Variants in ATP5MF observed in about 807,000 individuals in gnomAD.
ATP5MF encodes the protein ATP synthase F(0) complex subunit f, mitochondrial.
Under a neutral mutation model 13.8 loss-of-function variants are expected in ATP5MF, and 10 were observed. The ratio of observed to expected loss-of-function variants is 0.72; its 90% CI spans 0.45 to 1.23. The LOEUF is 1.23. Ranked by LOEUF, ATP5MF falls within the 50% of genes most tolerant of loss-of-function variation. The pLI, the probability that ATP5MF is intolerant of heterozygous loss-of-function variation, is 0.00. For missense variants in ATP5MF, 122 were observed against 118.2 expected, an observed-to-expected ratio of 1.03 and a Z score of -0.15; for synonymous variants, 40 against 45.8, an observed-to-expected ratio of 0.87 and a Z score of 0.51.
chr7:99,463,760 A>C (rs1335245302), intron 1 of ATP5MF, among the ~76,000 whole-genome samples: 1 of 152,094 alleles, frequency 6.6e-6, no homozygotes, highest in Non-Finnish European at 1.5e-5. Flanking sequence ...TGGGCGACAA[A>C]AGCAAGACTC....
chr7:99,461,762 A>T (rs1798610794), intron 1 of ATP5MF, among the ~76,000 whole-genome samples: 1 of 151,554 alleles, frequency 6.6e-6, no homozygotes, highest in African/African-American at 2.4e-5. Context: ...GGTTCTAGCG[A>T]TTCTCCTGCC....
chr7:99,460,973 G>A (rs1370558826), intron 1 of ATP5MF, among the ~76,000 whole-genome samples: 2 of 152,162 alleles, frequency 1.3e-5, no homozygotes, highest in Non-Finnish European at 2.9e-5. Flanking sequence ...ATTCCGAGAA[G>A]TCAAGTGACG....
intron 1 of ATP5MF, 53 bp downstream of exon 1, chr7:99,466,058 C>A (rs1798859517): frequency 6.2e-7 from 1 of 1,613,730 alleles, no homozygotes; most frequent in African/African-American, 1.3e-5. Flanking sequence ...CAGTGTGGCT[C>A]TGGACCCTGG....
intron 1 of ATP5MF, 43 bp from the exon 2 acceptor site, chr7:99,460,236 C>A (rs1562871548): frequency 3.1e-6 from 5 of 1,606,422 alleles, no homozygotes; most frequent in Non-Finnish European, 3.4e-6. Context: ...GAATAATCTC[C>A]CAGTAACACA....
intron 1 of ATP5MF, among the ~76,000 whole-genome samples, chr7:99,464,775 A>G (rs745985119): frequency 2.6e-4 from 40 of 152,148 alleles, no homozygotes; most frequent in Non-Finnish European, 5.3e-4. Context: ...AGCCTGGTCA[A>G]CGTGGCGAAA....
At chr7:99,460,667 T>A in intron 1 of ATP5MF, 2 of 386,230 alleles carry the variant, frequency 5.2e-6, no homozygotes, top group South Asian at 3.8e-5. Flanking sequence ...CCCTCCTATG[T>A]CCCTGAAGCC....
At chr7:99,459,077 G>T in intron 3 of ATP5MF, 70 bp downstream of exon 3, 1 of 1,193,552 alleles carries the variant, frequency 8.4e-7, no homozygotes, top group Non-Finnish European at 1.2e-6. Flanking sequence ...GTGGGCTGCT[G>T]TATCTAATGA....
intron 3 of ATP5MF, 51 bp downstream of exon 3, chr7:99,459,096 A>G (rs1297905058): frequency 7.1e-7 from 1 of 1,410,106 alleles, no homozygotes; most frequent in Admixed American, 1.7e-5. Flanking sequence ...GAAATCAGTC[A>G]CCACCACCCT....
In ATP5MF at chr7:99,459,058, CAGA is replaced by C. The variant is rs1034748329; in HGVS notation, c.256+86_256+88del. On this transcript the variant is annotated intron_variant, in intron 3 of 3. Coordinates refer to ENST00000292475, the MANE Select transcript of ATP5MF (RefSeq NM_004889.5). ...ACTTTAACTAAAGGTCCCTCAGCCT[CAGA>C]AGAAGGTGGGCTGCTGTATCTAATG... 179 of 983,494 alleles carry C rather than the reference CAGA, an allele frequency of 1.8e-4. No homozygotes were observed. In the African/African-American group the frequency reaches 2.5e-3, roughly 14 times the overall value. The allele number at this position is 983,494 out of a possible 1,614,324, so 60.9% of individuals were successfully genotyped here.
intron 1 of ATP5MF, among the ~76,000 whole-genome samples, chr7:99,461,416 G>A (rs887911759): frequency 6.6e-6 from 1 of 151,986 alleles, no homozygotes; most frequent in African/African-American, 2.4e-5. Flanking sequence ...GTCCTATTGA[G>A]GGCAAAGAGT....
chr7:99,459,197 A>C lies in ATP5MF; in HGVS notation c.206T>G (p.Val69Gly), dbSNP rs1343701617. 2 of 1,614,136 alleles carry C rather than the reference A, an allele frequency of 1.2e-6. No individual in the cohort carries two copies. Among genetic ancestry groups the C allele is most frequent in the South Asian group, 2.2e-5 (2 of 91,074 alleles). Reference sequence around the variant, plus strand: ...GCTAAAGAGCACGTAGCATGCCAGCACCATGGTAATCCCCGAGATGCTCCC... The same window carrying C: ...GCTAAAGAGCACGTAGCATGCCAGCCCCATGGTAATCCCCGAGATGCTCCC... ...KKGSISGITMVLACYVLFSYS... is the reference protein window; with the variant it reads ...KKGSISGITMGLACYVLFSYS... The change falls in exon 3 of 4, where the codon GTG becomes GGG. Residue 69 changes from valine to glycine, a missense_variant. Val to Gly is a moderately radical substitution (Grantham distance 109). Transcript: ENST00000292475.
At chr7:99,458,594 C>A (rs760093589) in intron 3 of ATP5MF, among the ~76,000 whole-genome samples, 1 of 152,168 alleles carries the variant, frequency 6.6e-6, no homozygotes, top group African/African-American at 2.4e-5. Context: ...AGGGAACACA[C>A]GCTCAGACAA....
intron 1 of ATP5MF, among the ~76,000 whole-genome samples, chr7:99,461,987 C>T (rs905563531): frequency 1.8e-4 from 28 of 151,638 alleles, no homozygotes; most frequent in Admixed American, 4.6e-4. Context: ...CCAGTGAAGC[C>T]ATTTTTTCAC....
chr7:99,458,316 G>C lies in ATP5MF; in HGVS notation c.*11C>G. On this transcript the variant is annotated 3_prime_UTR_variant, in exon 4 of 4. Transcript: ENST00000292475. ...AGGTCGTGGGGTGGGGGGGTGCAGAGTGTGTCCTCTTCAGTGGTATTTGCG... is the reference window on the plus strand; with the variant it reads ...AGGTCGTGGGGTGGGGGGGTGCAGACTGTGTCCTCTTCAGTGGTATTTGCG... 6.2e-7 allele frequency: 1 copy of C among 1,609,816 alleles called. No homozygotes were observed. The highest frequency in any genetic ancestry group is 2.2e-5 in the East Asian group (1 of 44,736).
chr7:99,459,755 G>A, intron 2 of ATP5MF: 1 of 279,998 alleles, frequency 3.6e-6, no homozygotes, highest in Non-Finnish European at 6.7e-6. Context: ...GTTCTGGCAG[G>A]GAGGAGAGCA....
At chr7:99,459,285 A>G (rs754345331) in intron 2 of ATP5MF, 22 bp from the exon 3 acceptor site, 4 of 1,565,902 alleles carry the variant, frequency 2.6e-6, no homozygotes, top group African/African-American at 1.3e-5. Flanking sequence ...AGAGGCGCTC[A>G]CTGCCCTGCT....
At chr7:99,459,590 GT>G (rs756422618) in intron 2 of ATP5MF, 8 of 294,774 alleles carry the variant, frequency 2.7e-5, no homozygotes, top group East Asian at 8.8e-5. Flanking sequence ...TTCTTGTGTG[GT>G]TTTTTTTATA....
At chr7:99,462,185 G>A (rs1798635500) in intron 1 of ATP5MF, among the ~76,000 whole-genome samples, 1 of 149,966 alleles carries the variant, frequency 6.7e-6, no homozygotes, top group Non-Finnish European at 1.5e-5. Context: ...GGGCACGGTG[G>A]CTCACGCCTG....
intron 3 of ATP5MF, chr7:99,458,873 G>A (rs1798463083): frequency 5.3e-6 from 2 of 379,726 alleles, no homozygotes; most frequent in Admixed American, 8.5e-5. Flanking sequence ...AATTTTCACA[G>A]TGTGCTGTAT....
Sources: gnomAD v4.1 joint callset for allele counts (sites outside exome capture counted in the v4.1 genomes callset) on GRCh38, gnomAD v4.1.1 for gene constraint, MANE v1.5 for transcripts, NCBI Gene and HGNC (gene_info 2026-07-23, HGNC 2026-07-21) for gene names.